STOML2: variants seen among roughly 807,000 people sequenced by gnomAD.
The protein encoded by STOML2 is stomatin like 2.
In STOML2, 22 loss-of-function variants were observed where a neutral mutation model predicts 45.7. The observed-to-expected ratio is 0.48, with a 90% CI of 0.34 to 0.69. STOML2 has a LOEUF of 0.69. Among genes scored for constraint, STOML2 ranks in the 30% least tolerant of loss-of-function variants. STOML2 has a pLI of 0.01. For missense variants in STOML2, 359 were observed against 466.9 expected, an observed-to-expected ratio of 0.77 and a Z score of 2.13; for synonymous variants, 181 against 182.7, an observed-to-expected ratio of 0.99 and a Z score of 0.08.
In STOML2 at chr9:35,102,745, G is replaced by A. The variant is rs1564009051; in HGVS notation, c.124C>T (p.Pro42Ser). 6.2e-7 allele frequency: 1 copy of A among 1,613,958 alleles called. No individual in the cohort carries two copies. Among genetic ancestry groups the A allele is most frequent in the Non-Finnish European group, 8.5e-7 (1 of 1,180,030 alleles). Residue 42 changes from proline to serine, a missense_variant, in exon 2 of 10, where the codon CCG becomes TCG. Coordinates refer to ENST00000356493, the MANE Select transcript of STOML2 (RefSeq NM_013442.3). This position sits in a 1 kb window ranked among gnomAD's most constrained non-coding sequence, Gnocchi z 4.8. The stretch of plus-strand genomic sequence containing the variant: ...TCCACCACCCAGGCCTCCTGCTGCG[G>A]CACGAACAGTACCACGGTGTTTCGG... ...LPRNTVVLFV[P>S]QQEAWVVERM...
rs1349469574 is a variant in STOML2, at chr9:35,102,050, C to T, written c.283+45G>A. 3.7e-6 allele frequency: 6 copies of T among 1,612,692 alleles called. No individual in the cohort carries two copies. Among genetic ancestry groups the T allele is most frequent in the South Asian group, 1.1e-5 (1 of 91,058 alleles). ...CTAAGCTCTGGATCTACAGCAACCACATCCTAATAGCCTCAGAGCACCCAT... is the reference window on the plus strand; with the variant it reads ...CTAAGCTCTGGATCTACAGCAACCATATCCTAATAGCCTCAGAGCACCCAT... On this transcript the variant is annotated intron_variant, in intron 3 of 9. Coordinates refer to ENST00000356493, the MANE Select transcript of STOML2 (RefSeq NM_013442.3). The surrounding 1 kb of genome is among the most constrained non-coding windows in gnomAD (Gnocchi z 4.8).
In STOML2 at chr9:35,102,187, T is replaced by C; in HGVS notation, c.191A>G (p.Asn64Ser). ...RFHRILEPGLNILIPVLDRIR... is the reference protein window; with the variant it reads ...RFHRILEPGLSILIPVLDRIR... ...CCGGTCTAACACAGGGATGAGGATG[T>C]TCAAACCCTGGAAAGAGGAGTCATG... The change falls in exon 3 of 10, where the codon AAC becomes AGC. Residue 64 changes from asparagine to serine, a missense_variant. Physicochemically the swap from Asn to Ser is conservative, Grantham distance 46. Transcript: ENST00000356493. This position sits in a 1 kb window ranked among gnomAD's most constrained non-coding sequence, Gnocchi z 4.8. The C allele has an allele frequency of 6.2e-7, 1 of 1,613,556 alleles. No individual in the cohort carries two copies. Among genetic ancestry groups the C allele is most frequent in the Non-Finnish European group, 8.5e-7 (1 of 1,179,866 alleles).
Position 35,102,191 on chromosome 9 carries a change from A to G in STOML2, c.187T>C (p.Leu63=), listed in dbSNP as rs530749219. ...GRFHRILEPG[L]NILIPVLDRI... ...TCTAACACAGGGATGAGGATGTTCA[A>G]ACCCTGGAAAGAGGAGTCATGGGTC... The change falls in exon 3 of 10, where the codon TTG becomes CTG. Residue 63 remains leucine (L), a synonymous_variant. Coordinates refer to ENST00000356493, the MANE Select transcript of STOML2 (RefSeq NM_013442.3). This position sits in a 1 kb window ranked among gnomAD's most constrained non-coding sequence, Gnocchi z 4.8. The G allele has an allele frequency of 2.4e-5, 38 of 1,613,642 alleles. No homozygotes were observed. The highest frequency in any genetic ancestry group is 3.1e-5 in the Non-Finnish European group (37 of 1,179,888).
At position 35,102,522 on chromosome 9, in the gene STOML2, T is replaced by C. The variant is rs1390788873; in HGVS notation, c.183+164A>G. ...GGCCTGTGAGATGCATAGGAAAAGG[T>C]GGTAACATGGGGATGATGGTCAGCA... On this transcript the variant is annotated intron_variant, in intron 2 of 9. Transcript: ENST00000356493. This position sits in a 1 kb window ranked among gnomAD's most constrained non-coding sequence, Gnocchi z 4.8. Among the ~76,000 whole-genome samples, 7 of 151,404 alleles carry C rather than the reference T, an allele frequency of 4.6e-5. No individual in the cohort carries two copies. Among genetic ancestry groups the C allele is most frequent in the African/African-American group, 1.7e-4 (7 of 41,104 alleles).
rs1829779406 is a variant in STOML2 at position 35,099,889 on chromosome 9, A to G, written c.*146T>C. ...ACTTCATTCCCCAATCAAAGAGGACAGTTTCTGGTTTGCCACTGGTGAGTT... is the reference window on the plus strand; with the variant it reads ...ACTTCATTCCCCAATCAAAGAGGACGGTTTCTGGTTTGCCACTGGTGAGTT... On this transcript the variant is annotated 3_prime_UTR_variant, in exon 10 of 10. Transcript: ENST00000356493. 2 of 905,640 alleles carry G rather than the reference A, an allele frequency of 2.2e-6. No homozygotes were observed. The highest frequency in any genetic ancestry group is 3.3e-5 in the African/African-American group (2 of 60,710). The allele number at this position is 905,640 out of a possible 1,614,324, so 56.1% of individuals were successfully genotyped here.
chr9:35,101,375 C>T lies in STOML2; in HGVS notation c.579+51G>A. ...TAACAGGAGGGAAGTCTGGATCCTC[C>T]TGGTACTGGAGCACCCTGAGGCCCT... On this transcript the variant is annotated intron_variant, in intron 6 of 9. Transcript: ENST00000356493. This position sits in a 1 kb window ranked among gnomAD's most constrained non-coding sequence, Gnocchi z 4.3. The T allele has an allele frequency of 6.5e-7, 1 of 1,548,402 alleles. No individual in the cohort carries two copies. The highest frequency in any genetic ancestry group is 1.1e-5 in the South Asian group (1 of 88,814).
In STOML2 at chr9:35,102,582, G is replaced by A. The variant is rs1829844297; in HGVS notation, c.183+104C>T. 2.0e-6 allele frequency: 3 copies of A among 1,533,148 alleles called. No individual in the cohort carries two copies. Among genetic ancestry groups the A allele is most frequent in the South Asian group, 1.3e-5 (1 of 78,968 alleles). 95.0% of individuals were successfully genotyped at this position (1,533,148 alleles called of 1,614,324 possible). On this transcript the variant is annotated intron_variant, in intron 2 of 9. Coordinates refer to ENST00000356493, the MANE Select transcript of STOML2 (RefSeq NM_013442.3). The surrounding 1 kb of genome is among the most constrained non-coding windows in gnomAD (Gnocchi z 4.8). ...CTGTCAGGTCTGGCCTACAGAGTCG[G>A]GAGCTAACAGTGCGGGCAGGCCCAA... is the stretch of plus-strand genomic sequence containing the variant.
Position 35,099,962 on chromosome 9 carries a change from G to T in STOML2, c.*73C>A. 1.3e-6 allele frequency: 2 copies of T among 1,549,956 alleles called. No homozygotes were observed. The highest frequency in any genetic ancestry group is 1.2e-5 in the South Asian group (1 of 84,844). On this transcript the variant is annotated 3_prime_UTR_variant, in exon 10 of 10. Transcript: ENST00000356493. ...TAAAAAAATAAAAACCAAAATCTTG[G>T]CAGGGAAGCTAGAGCCAGAATCAGG... is the stretch of plus-strand genomic sequence containing the variant.
chr9:35,102,436 C>T lies in STOML2; in HGVS notation c.184-242G>A. 3 of 668,240 alleles carry T rather than the reference C, an allele frequency of 4.5e-6. No individual in the cohort carries two copies. The highest frequency in any genetic ancestry group is 3.9e-5 in the South Asian group (2 of 51,530). 41.4% of individuals were successfully genotyped at this position (668,240 alleles called of 1,614,324 possible). A position where few individuals can be genotyped will look rare whatever the true frequency, so the allele number is the denominator to read the frequency against. On this transcript the variant is annotated intron_variant, in intron 2 of 9. Coordinates refer to ENST00000356493, the MANE Select transcript of STOML2 (RefSeq NM_013442.3). The surrounding 1 kb of genome is among the most constrained non-coding windows in gnomAD (Gnocchi z 4.8). ...ATGAGAATCGGAGCCAGCAGAATAG[C>T]CATCTCTATGCAGACTGAGAGGTAG...
At position 35,100,186 on chromosome 9, in the gene STOML2, CAG is replaced by C. The variant is rs1217106639; in HGVS notation, c.934-16_934-15del. On this transcript the variant is annotated splice_polypyrimidine_tract_variant and intron_variant, in intron 9 of 9. Transcript: ENST00000356493. ...TACACCCATGGCCTGAGGAGAGGAA[CAG>C]AGAGAATACCATGAGGACACTTGAC... The C allele has an allele frequency of 6.2e-7, 1 of 1,613,554 alleles. No individual in the cohort carries two copies. The highest frequency in any genetic ancestry group is 1.1e-5 in the South Asian group (1 of 91,044).
chr9:35,102,098 G>A lies in STOML2; in HGVS notation c.280C>T (p.Leu94Phe). 6.2e-7 allele frequency: 1 copy of A among 1,614,008 alleles called. No homozygotes were observed. The highest frequency in any genetic ancestry group is 1.7e-5 in the Admixed American group (1 of 60,000). ...CATGTCACCCTGAACCCCTCACCGAGAGTCACAGCCGACTGCTCAGGCACG... is the reference window on the plus strand; with the variant it reads ...CATGTCACCCTGAACCCCTCACCGAAAGTCACAGCCGACTGCTCAGGCACG... Reference protein sequence around the residue: ...INVPEQSAVTLDNVTLQIDGV... With the variant: ...INVPEQSAVTFDNVTLQIDGV... The change falls in exon 3 of 10, where the codon CTC becomes TTC. Residue 94 changes from leucine (L) to phenylalanine (F), a missense_variant. Physicochemically the swap from Leu to Phe is conservative, Grantham distance 22. Around this residue, in one of 2 missense-constraint regions of STOML2, gnomAD observed 285 missense variants for 422.0 expected, o/e 0.68. Coordinates refer to ENST00000356493, the MANE Select transcript of STOML2 (RefSeq NM_013442.3). This position sits in a 1 kb window ranked among gnomAD's most constrained non-coding sequence, Gnocchi z 4.8.
Position 35,101,282 on chromosome 9 carries a change from G to C in STOML2, c.580-3C>G. On this transcript the variant is annotated splice_polypyrimidine_tract_variant and splice_region_variant and intron_variant, in intron 6 of 9. Coordinates refer to ENST00000356493, the MANE Select transcript of STOML2 (RefSeq NM_013442.3). The surrounding 1 kb of genome is among the most constrained non-coding windows in gnomAD (Gnocchi z 4.3). The stretch of plus-strand genomic sequence containing the variant: ...CGTTTCCGCCGCTCTGCCTCCACCT[G>C]GAAGCCCACAACAATCCCAATCAAC... 1 of 1,614,086 alleles carries C rather than the reference G, an allele frequency of 6.2e-7. No individual in the cohort carries two copies. The highest frequency in any genetic ancestry group is 8.5e-7 in the Non-Finnish European group (1 of 1,180,002).
rs1487797767 is a variant in STOML2, at chr9:35,101,186, GGGCCTGTTTCTTC to G, written c.660_672del (p.Lys221ArgfsTer13). On this transcript the variant is annotated frameshift_variant, in exon 7 of 10. Transcript: ENST00000356493. LOFTEE classifies it high-confidence loss of function. The surrounding 1 kb of genome is among the most constrained non-coding windows in gnomAD (Gnocchi z 4.3). ...TTTTCTGCTTCGGAGGCCAGGATCTGGGCCTGTTTCTTCCCTTCTGCCACATTGATGGCCGACT... is the reference window on the plus strand; with the variant it reads ...TTTTCTGCTTCGGAGGCCAGGATCTGCCTTCTGCCACATTGATGGCCGACT... The G allele has an allele frequency of 6.2e-7, 1 of 1,614,190 alleles. No homozygotes were observed. The highest frequency in any genetic ancestry group is 1.7e-5 in the Admixed American group (1 of 60,028).
At chr9:35,103,005 G>A in intron 1 of STOML2, 45 bp downstream of exon 1, 2 of 1,610,442 alleles carry the variant, frequency 1.2e-6, no homozygotes, top group Non-Finnish European at 1.7e-6. Flanking sequence ...GGAGAACCCA[G>A]GTAATCTCTG....
In STOML2 at chr9:35,101,304, C is replaced by T; in HGVS notation, c.580-25G>A. The T allele has an allele frequency of 6.2e-7, 1 of 1,614,186 alleles. No homozygotes were observed. The highest frequency in any genetic ancestry group is 8.5e-7 in the Non-Finnish European group (1 of 1,180,018). On this transcript the variant is annotated intron_variant, in intron 6 of 9. Coordinates refer to ENST00000356493, the MANE Select transcript of STOML2 (RefSeq NM_013442.3). This position sits in a 1 kb window ranked among gnomAD's most constrained non-coding sequence, Gnocchi z 4.3. ...CCTGGAAGCCCACAACAATCCCAATCAACAAGCCAAGGGAGACTGATACAG... is the reference window on the plus strand; with the variant it reads ...CCTGGAAGCCCACAACAATCCCAATTAACAAGCCAAGGGAGACTGATACAG...
intron 9 of STOML2, 98 bp downstream of exon 9, chr9:35,100,500 G>A: frequency 6.5e-7 from 1 of 1,537,908 alleles, no homozygotes. Context: ...AAGGCACTCT[G>A]AAGACCTTTA....
Position 35,100,023 on chromosome 9 carries a change from A to C in STOML2, c.*12T>G, listed in dbSNP as rs762788362. The C allele has an allele frequency of 3.7e-6, 6 of 1,611,600 alleles. No individual in the cohort carries two copies. In the Admixed American group the frequency reaches 6.7e-5, roughly 18 times the overall value. Reference sequence around the variant, plus strand: ...TCCTTGTTCCCAGACTCCCTGGCCAAGCCCAGCTCCACTAACTCATCTTGA... The same window carrying C: ...TCCTTGTTCCCAGACTCCCTGGCCACGCCCAGCTCCACTAACTCATCTTGA... On this transcript the variant is annotated 3_prime_UTR_variant, in exon 10 of 10. Coordinates refer to ENST00000356493, the MANE Select transcript of STOML2 (RefSeq NM_013442.3).
At chr9:35,103,029 G>T (rs1341909383) in intron 1 of STOML2, 21 bp downstream of exon 1, 1 of 1,614,018 alleles carries the variant, frequency 6.2e-7, no homozygotes, top group Admixed American at 1.7e-5. Context: ...TGACCCTCTG[G>T]AAAGGTTGCC....
Position 35,102,176 on chromosome 9 carries a change from G to T in STOML2, c.202C>A (p.Pro68Thr). The T allele has an allele frequency of 6.2e-7, 1 of 1,613,948 alleles. No individual in the cohort carries two copies. Among genetic ancestry groups the T allele is most frequent in the Non-Finnish European group, 8.5e-7 (1 of 1,179,980 alleles). Residue 68 changes from proline to threonine, a missense_variant, in exon 3 of 10, where the codon CCT (proline) becomes ACT (threonine). Around this residue, in one of 2 missense-constraint regions of STOML2, gnomAD observed 285 missense variants for 422.0 expected, o/e 0.68. Coordinates refer to ENST00000356493, the MANE Select transcript of STOML2 (RefSeq NM_013442.3). The surrounding 1 kb of genome is among the most constrained non-coding windows in gnomAD (Gnocchi z 4.8). ...ILEPGLNILI[P>T]VLDRIRYVQS... is the part of the protein sequence containing the mutation. ...ACATATCGGATCCGGTCTAACACAG[G>T]GATGAGGATGTTCAAACCCTGGAAA...
Sources: allele counts gnomAD v4.1 joint callset (sites outside exome capture counted in the v4.1 genomes callset), GRCh38; gene constraint gnomAD v4.1.1; regional missense constraint gnomAD v4.1.1; non-coding constraint Gnocchi (gnomAD v3.1); transcripts MANE v1.5; gene names NCBI Gene and HGNC (gene_info 2026-07-23, HGNC 2026-07-21).